The following DHX8 variants were observed in gnomAD, a reference collection of about 807,000 sequenced individuals.
DHX8 encodes the protein ATP-dependent RNA helicase DHX8.
A neutral mutation model predicts 140.7 loss-of-function variants in DHX8; 67 were observed. The ratio of observed to expected loss-of-function variants is 0.48; its 90% CI spans 0.39 to 0.58. The LOEUF (loss-of-function observed/expected upper bound fraction) is 0.58. Among genes scored for constraint, DHX8 ranks in the 20% least tolerant of loss-of-function variants. The probability of loss-of-function intolerance (pLI) is 0.00; values close to 1 mark genes in which losing one functional copy is unlikely to be tolerated. For missense variants in DHX8, 887 were observed against 1,550.7 expected, an observed-to-expected ratio of 0.57 and a Z score of 7.19; for synonymous variants, 533 against 553.2, an observed-to-expected ratio of 0.96 and a Z score of 0.51.
At chr17:43,537,733 G>GCCTGTAATC (rs1971318849) in intron 3 of DHX8, among the ~76,000 whole-genome samples, 1 of 151,918 alleles carries the variant, frequency 6.6e-6, no homozygotes, top group Non-Finnish European at 1.5e-5. Flanking sequence ...GGTGGCTCAT[G>GCCTGTAATC]CCTGTAATCC....
chr17:43,504,339 CAG>C (rs371923250), intron 11 of DHX8, among the ~76,000 whole-genome samples: 3 of 152,122 alleles, frequency 2.0e-5, no homozygotes, highest in African/African-American at 7.2e-5. Context: ...ACTTGGATGA[CAG>C]AGCAAGACCC....
intron 6 of DHX8, 49 bp downstream of exon 6, chr17:43,493,089 T>C (rs1968635223): frequency 1.3e-5 from 21 of 1,573,684 alleles, no homozygotes; most frequent in Non-Finnish European, 1.6e-5. Context: ...CAGAATTTCT[T>C]TTATCACTGA....
intron 11 of DHX8, among the ~76,000 whole-genome samples, chr17:43,503,975 G>A (rs1001942630): frequency 2.0e-5 from 3 of 151,994 alleles, no homozygotes; most frequent in African/African-American, 7.3e-5. Context: ...ACTTTGGGAG[G>A]CCAAGGAGAG....
At chr17:43,529,890 A>G (rs775023928), downstream of DHX8, 23 of 1,613,948 alleles carry the variant, frequency 1.4e-5, no homozygotes, top group Admixed American at 3.3e-5. Context: ...TGACCTTCAA[A>G]TTTCTCAGGG....
Position 43,520,766 on chromosome 17 carries a change from C to T in DHX8, c.2953C>T (p.Leu985=). ...GTCCCTCTAGATGGCAGAGTTCCCTCTGGAGCCAATGCTATGCAAAATGCT... is the reference window on the plus strand; with the variant it reads ...GTCCCTCTAGATGGCAGAGTTCCCTTTGGAGCCAATGCTATGCAAAATGCT... ...RLGRRMAEFP[L]EPMLCKMLIM... is the part of the protein sequence containing the mutation. Residue 985 remains leucine (L), a synonymous_variant, in exon 20 of 23, where the codon CTG becomes TTG. Transcript: ENST00000262415. The T allele has an allele frequency of 6.2e-7, 1 of 1,614,130 alleles. No homozygotes were observed. The highest frequency in any genetic ancestry group is 8.5e-7 in the Non-Finnish European group (1 of 1,180,016).
chr17:43,517,232 C>T lies in DHX8; in HGVS notation c.2709C>T (p.Tyr903=). ...RTGPGKCYRL[Y]TERAYRDEML... ...GCCCAGGGAAGTGTTACAGGTTGTA[C>T]ACAGAACGTGCCTACCGAGATGAAA... Residue 903 remains tyrosine, a synonymous_variant, in exon 18 of 23, where the codon TAC becomes TAT. Transcript: ENST00000262415. 1 of 1,614,082 alleles carries T rather than the reference C, an allele frequency of 6.2e-7. No homozygotes were observed. Among genetic ancestry groups the T allele is most frequent in the South Asian group, 1.1e-5 (1 of 91,076 alleles).
intron 3 of DHX8, among the ~76,000 whole-genome samples, chr17:43,539,605 A>G (rs1391322427): frequency 1.3e-5 from 2 of 152,168 alleles, no homozygotes; most frequent in African/African-American, 4.8e-5. Flanking sequence ...CAGTGCTGTT[A>G]TTTCTTGACT....
chr17:43,524,635 C>T lies in DHX8; in HGVS notation c.*788C>T. The T allele has an allele frequency of 1.0e-6, 1 of 985,480 alleles. No individual in the cohort carries two copies. The highest frequency in any genetic ancestry group is 1.2e-6 in the Non-Finnish European group (1 of 829,970). 61.0% of individuals were successfully genotyped at this position (985,480 alleles called of 1,614,324 possible). A position where few individuals can be genotyped will look rare whatever the true frequency, so the allele number is the denominator to read the frequency against. The stretch of plus-strand genomic sequence containing the variant: ...CACATATTAAATACAGAAGGTTTCC[C>T]CTTGCTCCCTCCACCTCCCACATTC... On this transcript the variant is annotated 3_prime_UTR_variant, in exon 23 of 23. Transcript: ENST00000262415.
At chr17:43,528,628 C>T, downstream of DHX8, 5 of 1,614,206 alleles carry the variant, frequency 3.1e-6, no homozygotes, top group Non-Finnish European at 4.2e-6. Context: ...GTCCTCCTCA[C>T]TGACAGGCCG....
At position 43,507,009 on chromosome 17, in the gene DHX8, C is replaced by T; in HGVS notation, c.1735C>T (p.His579Tyr). 6 of 1,582,418 alleles carry T rather than the reference C, an allele frequency of 3.8e-6. No homozygotes were observed. The highest frequency in any genetic ancestry group is 5.2e-6 in the Non-Finnish European group (6 of 1,164,128). Residue 579 changes from histidine to tyrosine, a missense_variant, in exon 13 of 23, where the codon CAT becomes TAT. Around this residue, in one of 9 missense-constraint regions of DHX8, gnomAD observed 178 missense variants for 398.5 expected, o/e 0.45. Transcript: ENST00000262415. Reference protein sequence around the residue: ...KLKEQLVQAVHDNQILIVIGE... With the variant: ...KLKEQLVQAVYDNQILIVIGE... The stretch of plus-strand genomic sequence containing the variant: ...TATATTCTGTTGCTTTCAGGCCGTC[C>T]ATGACAATCAGATCCTGATTGTCAT...
At position 43,507,809 on chromosome 17, in the gene DHX8, A is replaced by G; in HGVS notation, c.2110A>G (p.Thr704Ala). The change falls in exon 15 of 23, where the codon ACA (threonine) becomes GCA (alanine). Residue 704 changes from threonine to alanine, a missense_variant and splice_region_variant. Physicochemically the swap from Thr to Ala is moderately conservative, Grantham distance 58. Transcript: ENST00000262415. Reference protein sequence around the residue: ...TDVLFGLLKKTVQKRQDMKLI... With the variant: ...TDVLFGLLKKAVQKRQDMKLI... Reference sequence around the variant, plus strand: ...TAAGCCACATAATATTTCTCTTCAGACAGTTCAGAAACGGCAGGACATGAA... The same window carrying G: ...TAAGCCACATAATATTTCTCTTCAGGCAGTTCAGAAACGGCAGGACATGAA... 6.2e-7 allele frequency: 1 copy of G among 1,614,194 alleles called. No homozygotes were observed. Among genetic ancestry groups the G allele is most frequent in the East Asian group, 2.2e-5 (1 of 44,884 alleles).
chr17:43,497,272 C>A (rs1968917717), intron 9 of DHX8, among the ~76,000 whole-genome samples: 1 of 92,068 alleles, frequency 1.1e-5, no homozygotes, highest in South Asian at 3.8e-4. Context: ...ATTGGTATTT[C>A]ACTCACTTTT....
At chr17:43,521,947 C>A in intron 21 of DHX8, 100 bp from the exon 22 acceptor site, 1 of 1,304,828 alleles carries the variant, frequency 7.7e-7, no homozygotes, top group Non-Finnish European at 1.1e-6. Flanking sequence ...GTCCTGGTGA[C>A]TACTCTGGGC....
chr17:43,532,567 G>T lies in DHX8; in HGVS notation c.351-3845G>T, dbSNP rs141611511. The T allele has an allele frequency of 2.9e-6, 3 of 1,024,058 alleles. No homozygotes were observed. The African/African-American group carries it at 4.9e-5, about 17-fold the overall frequency. 63.4% of individuals were successfully genotyped at this position (1,024,058 alleles called of 1,614,324 possible). A position where few individuals can be genotyped will look rare whatever the true frequency, so the allele number is the denominator to read the frequency against. ...ATGAAGAAAAAAAGTGGGTGGGTGG[G>T]TTGGATGTATGAAATGGTAAACAGC... On this transcript the variant is annotated intron_variant, in intron 2 of 3. Transcript: ENST00000589898.
At chr17:43,491,115 T>A in intron 3 of DHX8, 50 bp from the exon 4 acceptor site, 1 of 792,432 alleles carries the variant, frequency 1.3e-6, no homozygotes, top group South Asian at 2.8e-5. Flanking sequence ...TTAATAATAT[T>A]AAATATATAT....
intron 3 of DHX8, among the ~76,000 whole-genome samples, chr17:43,538,223 C>T (rs972056118): frequency 3.3e-5 from 5 of 151,768 alleles, no homozygotes; most frequent in Non-Finnish European, 7.4e-5. Flanking sequence ...AGGAGAATAA[C>T]TTGAACCCGG....
intron 2 of DHX8, among the ~76,000 whole-genome samples, chr17:43,533,578 A>AG (rs1381345843): frequency 6.6e-6 from 1 of 151,764 alleles, no homozygotes; most frequent in Non-Finnish European, 1.5e-5. Context: ...GGATTCATAC[A>AG]GGGGGGATTT....
intron 16 of DHX8, among the ~76,000 whole-genome samples, chr17:43,512,683 C>T (rs1969909211): frequency 6.6e-6 from 1 of 152,250 alleles, no homozygotes; most frequent in East Asian, 1.9e-4. Flanking sequence ...CAGTAAGATG[C>T]TGGCATGATG....
At chr17:43,529,623 G>C, downstream of DHX8, 1 of 1,614,072 alleles carries the variant, frequency 6.2e-7, no homozygotes, top group Non-Finnish European at 8.5e-7. Flanking sequence ...GCACCCCGGC[G>C]CTGGTAGGGC....
Sources: allele counts gnomAD v4.1 joint callset (sites outside exome capture counted in the v4.1 genomes callset), GRCh38; gene constraint gnomAD v4.1.1; regional missense constraint gnomAD v4.1.1; transcripts MANE v1.5; gene names NCBI Gene and HGNC (gene_info 2026-07-23, HGNC 2026-07-21).